RGS5: variants seen among roughly 807,000 people sequenced by gnomAD.
The protein encoded by RGS5 is regulator of G protein signaling 5, also known as regulator of G-protein signalling 5.
A neutral mutation model predicts 18.9 loss-of-function variants in RGS5; 20 were observed. That is an observed-to-expected ratio of 1.06 (90% CI 0.74 to 1.54). The LOEUF (loss-of-function observed/expected upper bound fraction) is 1.54, where lower values mean the gene tolerates loss of function less well. Among genes scored for constraint, RGS5 ranks in the 40% most tolerant of loss-of-function variants. The probability of loss-of-function intolerance (pLI) is 0.00; values close to 1 mark genes in which losing one functional copy is unlikely to be tolerated. For synonymous variants in RGS5, 57 were observed against 76.2 expected (o/e 0.75, Z 1.31); for missense variants, 201 against 211.8 (o/e 0.95, Z 0.32).
At chr1:163,180,284 C>T (rs188522108) in intron 1 of RGS5, among the ~76,000 whole-genome samples, 1 of 152,252 alleles carries the variant, frequency 6.6e-6, no homozygotes, top group African/African-American at 2.4e-5. Context: ...ACAAGGAAAT[C>T]CTGTTAAATG....
chr1:163,310,884 G>GA (rs1649839456), intron 1 of RGS5, among the ~76,000 whole-genome samples: 1 of 152,168 alleles, frequency 6.6e-6, no homozygotes, highest in Admixed American at 6.5e-5. Flanking sequence ...ATGCAAAGGG[G>GA]AAGCAAGGCA....
intron 2 of RGS5, among the ~76,000 whole-genome samples, chr1:163,249,658 G>C (rs1648055198): frequency 6.6e-6 from 1 of 152,184 alleles, no homozygotes; most frequent in Non-Finnish European, 1.5e-5. Context: ...GGGCATTGTG[G>C]CAGGCGCCTG....
chr1:163,162,083 T>C (rs967692417), intron 2 of RGS5, 107 bp from the exon 3 acceptor site: 8 of 792,158 alleles, frequency 1.0e-5, no homozygotes, highest in Admixed American at 9.3e-5. Context: ...ATGATATGAC[T>C]GCTGGTCTAT....
At chr1:163,299,729 A>G (rs75910795) in intron 2 of RGS5, among the ~76,000 whole-genome samples, 2,708 of 152,288 alleles carry the variant, frequency 0.018, 78 homozygotes, top group African/African-American at 0.06. Flanking sequence ...CATTCTGAGA[A>G]ATAATAGTTT....
intron 2 of RGS5, among the ~76,000 whole-genome samples, chr1:163,280,549 T>C (rs2101718326): frequency 6.6e-6 from 1 of 152,056 alleles, no homozygotes; most frequent in South Asian, 2.1e-4. Context: ...AAGAAATAGA[T>C]TTAACTGAAG....
intron 1 of RGS5, among the ~76,000 whole-genome samples, chr1:163,310,305 G>A (rs190230951): frequency 8.0e-4 from 122 of 152,268 alleles, no homozygotes; most frequent in African/African-American, 2.9e-3. Context: ...TCCTTAGATG[G>A]GCCAGGTGCG....
At chr1:163,209,414 G>T (rs1660047408) in intron 1 of RGS5, among the ~76,000 whole-genome samples, 1 of 152,106 alleles carries the variant, frequency 6.6e-6, no homozygotes, top group African/African-American at 2.4e-5. Context: ...CCCTACAAAA[G>T]CTTGTTGAAA....
intron 1 of RGS5, among the ~76,000 whole-genome samples, chr1:163,195,424 G>C (rs1202613851): frequency 6.6e-6 from 1 of 151,404 alleles, no homozygotes; most frequent in Non-Finnish European, 1.5e-5. Context: ...GGAATCAGGG[G>C]GCAAGGGTGA....
intron 2 of RGS5, among the ~76,000 whole-genome samples, chr1:163,223,418 C>T (rs1647271062): frequency 6.6e-6 from 1 of 152,204 alleles, no homozygotes; most frequent in Non-Finnish European, 1.5e-5. Flanking sequence ...GCTCCTCCCA[C>T]TAATGTATTT....
chr1:163,236,659 G>A (rs1003470783), intron 2 of RGS5, among the ~76,000 whole-genome samples: 3 of 152,102 alleles, frequency 2.0e-5, no homozygotes, highest in African/African-American at 7.2e-5. Context: ...CCTCTACAAA[G>A]AATGATATAA....
At chr1:163,195,859 T>C (rs1301623579) in intron 1 of RGS5, among the ~76,000 whole-genome samples, 3 of 152,092 alleles carry the variant, frequency 2.0e-5, no homozygotes, top group African/African-American at 7.2e-5. Flanking sequence ...ACCTTAAATA[T>C]AATATTTCAT....
At chr1:163,261,649 TC>T (rs1412769752) in intron 2 of RGS5, among the ~76,000 whole-genome samples, 1 of 152,174 alleles carries the variant, frequency 6.6e-6, no homozygotes, top group Non-Finnish European at 1.5e-5. Context: ...TCTGTATGTT[TC>T]CCAAACATTT....
At chr1:163,268,666 C>T (rs1381315861) in intron 2 of RGS5, among the ~76,000 whole-genome samples, 1 of 152,122 alleles carries the variant, frequency 6.6e-6, no homozygotes, top group Non-Finnish European at 1.5e-5. Context: ...CTAGGCACCA[C>T]TACTACAGCC....
chr1:163,189,846 A>G (rs1219721870), intron 1 of RGS5, among the ~76,000 whole-genome samples: 1 of 152,240 alleles, frequency 6.6e-6, no homozygotes, highest in Non-Finnish European at 1.5e-5. Context: ...CAGGAGTCTC[A>G]TGCACCGTGG....
chr1:163,243,537 C>T (rs1242226770), intron 2 of RGS5, among the ~76,000 whole-genome samples: 3 of 147,842 alleles, frequency 2.0e-5, no homozygotes, highest in South Asian at 2.2e-4. Context: ...GTCCCAGCTA[C>T]TCGGGAGGCT....
intron 2 of RGS5, among the ~76,000 whole-genome samples, chr1:163,283,493 G>A (rs1365089244): frequency 6.6e-6 from 1 of 152,092 alleles, no homozygotes; most frequent in Non-Finnish European, 1.5e-5. Context: ...ATTCTGTGAT[G>A]TGCAGGCTCT....
chr1:163,312,270 C>A (rs932932244), intron 1 of RGS5, among the ~76,000 whole-genome samples: 2 of 152,194 alleles, frequency 1.3e-5, no homozygotes, highest in African/African-American at 4.8e-5. Context: ...AGAGGCCTCC[C>A]CAGCCATGCT....
At chr1:163,321,150 T>C (rs957240411) in intron 1 of RGS5, 3 of 152,228 alleles carry the variant, frequency 2.0e-5, no homozygotes, top group Admixed American at 2.0e-4. Context: ...ATCTGAAGAA[T>C]GCAACTCACT....
intron 2 of RGS5, among the ~76,000 whole-genome samples, chr1:163,258,914 T>C (rs1648349661): frequency 6.6e-6 from 1 of 152,120 alleles, no homozygotes; most frequent in South Asian, 2.1e-4. Flanking sequence ...TAAGCTCTTG[T>C]GATCCTCCCA....
Sources: allele counts gnomAD v4.1 joint callset (sites outside exome capture counted in the v4.1 genomes callset), GRCh38; gene constraint gnomAD v4.1.1; transcripts MANE v1.5; gene names NCBI Gene and HGNC (gene_info 2026-07-23, HGNC 2026-07-21).